The following GAB4 variants were observed in gnomAD, a reference collection of about 807,000 sequenced individuals.
The protein encoded by GAB4 is GRB2 associated binding protein family member 4, also known as GRB2-associated-binding protein 4.
In GAB4, 26 loss-of-function variants were observed where a neutral mutation model predicts 51.3. The observed-to-expected ratio is 0.51, with a 90% CI of 0.37 to 0.70. GAB4 has a LOEUF of 0.70. Ranked by LOEUF, GAB4 falls within the 30% of genes least tolerant of loss-of-function variation. The probability of loss-of-function intolerance (pLI) is 0.00; values close to 1 mark genes in which losing one functional copy is unlikely to be tolerated. For synonymous variants in GAB4, 329 were observed against 291.2 expected (o/e 1.13, Z -1.32); for missense variants, 759 against 734.6 (o/e 1.03, Z -0.38).
At position 16,970,260 on chromosome 22, in the gene GAB4, C is replaced by T. The variant is rs953095232; in HGVS notation, c.687-67G>A. The T allele has an allele frequency of 9.6e-6, 15 of 1,570,068 alleles. No homozygotes were observed. The South Asian group carries it at 1.1e-4, about 12-fold the overall frequency. On this transcript the variant is annotated intron_variant, in intron 3 of 9. Transcript: ENST00000400588. ...GCCAGGACTGCCCCAGGGAGGCAGG[C>T]GGGGAAGTTCACAGCCCAATGTAGT...
chr22:16,985,382 A>G (rs778522127), intron 3 of GAB4, among the ~76,000 whole-genome samples: 9 of 152,240 alleles, frequency 5.9e-5, no homozygotes, highest in Non-Finnish European at 1.0e-4. Context: ...TGGATACTGA[A>G]TATCTGGGAT....
intron 3 of GAB4, among the ~76,000 whole-genome samples, chr22:16,972,337 G>A (rs567883531): frequency 1.3e-5 from 2 of 152,218 alleles, no homozygotes; most frequent in Non-Finnish European, 2.9e-5. Flanking sequence ...CCATCTGAGT[G>A]AGCCCGGAAG....
chr22:16,969,753 T>C (rs2060713211), intron 4 of GAB4, 190 bp downstream of exon 4: 1 of 720,538 alleles, frequency 1.4e-6, no homozygotes, highest in Non-Finnish European at 2.4e-6. Context: ...CTGACTTGCC[T>C]TGGGCAGGGG....
chr22:17,005,728 G>A (rs182517475), intron 1 of GAB4, among the ~76,000 whole-genome samples: 291 of 152,282 alleles, frequency 1.9e-3, no homozygotes, highest in Middle Eastern at 6.8e-3. Flanking sequence ...TGACAAACCT[G>A]ACAAAAACTA....
chr22:16,970,092 A>G lies in GAB4; in HGVS notation c.788T>C (p.Val263Ala), dbSNP rs1320605365. 6.2e-7 allele frequency: 1 copy of G among 1,613,866 alleles called. No individual in the cohort carries two copies. Among genetic ancestry groups the G allele is most frequent in the Non-Finnish European group, 8.5e-7 (1 of 1,180,018 alleles). ...AQHSGYSVDG[V>A]SGHIHGFHSL... ...ATGGAAGCCATGGATGTGACCGCTG[A>G]CCCCATCAACACTGTATCCACTGTG... Residue 263 changes from valine to alanine, a missense_variant, in exon 4 of 10, where the codon GTC becomes GCC. Transcript: ENST00000400588.
chr22:16,991,779 T>C, intron 2 of GAB4, 94 bp downstream of exon 2: 1 of 1,060,376 alleles, frequency 9.4e-7, no homozygotes, highest in Non-Finnish European at 1.4e-6. Context: ...CAACACTTCT[T>C]GGCAGTGTTG....
At chr22:16,998,536 A>G (rs2060969195) in intron 1 of GAB4, among the ~76,000 whole-genome samples, 1 of 152,160 alleles carries the variant, frequency 6.6e-6, no homozygotes, top group Non-Finnish European at 1.5e-5. Context: ...CAGCTTAAGG[A>G]GATTTTGGGC....
chr22:17,008,019 G>T lies in GAB4; in HGVS notation c.96C>A (p.Gly32=). The T allele has an allele frequency of 6.2e-7, 1 of 1,610,060 alleles. No homozygotes were observed. Among genetic ancestry groups the T allele is most frequent in the South Asian group, 1.1e-5 (1 of 90,202 alleles). The stretch of plus-strand genomic sequence containing the variant: ...GCACGTGGCCACTTCTCGTGCTTCC[G>T]CCGGCGGGGCCACTTCCGGGCCACG... ...LSSWPGSGPA[G]GSTRSGHVLY... Residue 32 remains glycine (G), a synonymous_variant, in exon 1 of 10, where the codon GGC becomes GGA. Coordinates refer to ENST00000400588, the MANE Select transcript of GAB4 (RefSeq NM_001037814.1).
chr22:16,974,280 G>A (rs1297899202), intron 3 of GAB4, among the ~76,000 whole-genome samples: 1 of 152,248 alleles, frequency 6.6e-6, no homozygotes, highest in East Asian at 1.9e-4. Context: ...GACAGAAGCT[G>A]CATAAAACAG....
intron 5 of GAB4, chr22:16,966,607 C>A: frequency 1.9e-6 from 1 of 521,074 alleles, no homozygotes; most frequent in East Asian, 3.1e-5. Context: ...GAGCAGCTTC[C>A]ATGACACAGT....
chr22:16,966,307 G>A lies in GAB4; in HGVS notation c.1081C>T (p.Pro361Ser). The A allele has an allele frequency of 6.2e-7, 1 of 1,613,618 alleles. No individual in the cohort carries two copies. Among genetic ancestry groups the A allele is most frequent in the Non-Finnish European group, 8.5e-7 (1 of 1,179,868 alleles). ...AGGGTAGGGGAGCCTGGGTTCATGG[G>A]CACACAGCTGCCCTCAGAAGCAATG... is the stretch of plus-strand genomic sequence containing the variant. Reference protein sequence around the residue: ...DSIASEGSCVPMNPGSPTLPA... With the variant: ...DSIASEGSCVSMNPGSPTLPA... The change falls in exon 6 of 10, where the codon CCC (proline) becomes TCC (serine). Residue 361 changes from proline to serine, a missense_variant. Physicochemically the swap from Pro to Ser is moderately conservative, Grantham distance 74. Around this residue, in one of 3 missense-constraint regions of GAB4, gnomAD observed 588 missense variants for 510.2 expected, o/e 1.15. Coordinates refer to ENST00000400588, the MANE Select transcript of GAB4 (RefSeq NM_001037814.1).
chr22:16,973,524 T>TCTAA (rs2060750899), intron 3 of GAB4, among the ~76,000 whole-genome samples: 2 of 152,142 alleles, frequency 1.3e-5, no homozygotes, highest in African/African-American at 4.8e-5. Context: ...CACCCCTGAG[T>TCTAA]ACGTCCCACA....
intron 3 of GAB4, among the ~76,000 whole-genome samples, chr22:16,978,175 C>T (rs112264256): frequency 0.022 from 3,367 of 151,880 alleles, 58 homozygotes; most frequent in Middle Eastern, 0.068. Flanking sequence ...AAAAAATAAC[C>T]AAGATCAGAG....
chr22:16,992,306 CCA>C (rs113030883), intron 1 of GAB4, 130 bp from the exon 2 acceptor site: 20,207 of 778,340 alleles, frequency 0.026, 382 homozygotes, highest in Middle Eastern at 0.057. Flanking sequence ...TCGGATTTCC[CCA>C]GTTTCAAAGG....
At chr22:17,007,845 C>G in intron 1 of GAB4, 96 bp downstream of exon 1, 2 of 1,186,334 alleles carry the variant, frequency 1.7e-6, no homozygotes, top group East Asian at 2.6e-5. Flanking sequence ...CCACCCGCAG[C>G]TCCTCCCGTG....
chr22:16,977,806 G>T (rs1382058926), intron 3 of GAB4, among the ~76,000 whole-genome samples: 1 of 152,178 alleles, frequency 6.6e-6, no homozygotes, highest in Non-Finnish European at 1.5e-5. Flanking sequence ...AAATGCAAAT[G>T]AAGGGAAATC....
At chr22:16,985,014 T>C (rs2060856277) in intron 3 of GAB4, among the ~76,000 whole-genome samples, 2 of 152,216 alleles carry the variant, frequency 1.3e-5, no homozygotes, top group Admixed American at 1.3e-4. Context: ...TTTTCTCCAG[T>C]CCACACCCTG....
chr22:16,971,358 A>T (rs1022732558), intron 3 of GAB4, among the ~76,000 whole-genome samples: 2 of 152,150 alleles, frequency 1.3e-5, no homozygotes, highest in Non-Finnish European at 2.9e-5. Flanking sequence ...CCAGCGTCAC[A>T]GTGATTTCCA....
chr22:16,968,087 T>A (rs2060696131), intron 5 of GAB4, among the ~76,000 whole-genome samples: 2 of 152,180 alleles, frequency 1.3e-5, no homozygotes, highest in South Asian at 4.1e-4. Flanking sequence ...TGTGATCCCA[T>A]CTACTTAAGT....
Sources: gnomAD v4.1 joint callset for allele counts (sites outside exome capture counted in the v4.1 genomes callset) on GRCh38, gnomAD v4.1.1 for gene constraint, gnomAD v4.1.1 regional missense constraint, MANE v1.5 for transcripts, NCBI Gene and HGNC (gene_info 2026-07-23, HGNC 2026-07-21) for gene names.